PLCG2: variants seen among roughly 807,000 people sequenced by gnomAD.
PLCG2 encodes the protein phospholipase C gamma 2.
PLCG2 carries 69 observed loss-of-function variants against 175.6 expected under a neutral mutation model. That is an observed-to-expected ratio of 0.39 (90% CI 0.32 to 0.48). PLCG2 has a LOEUF of 0.48. Ranked by LOEUF, PLCG2 falls within the 20% of genes least tolerant of loss-of-function variation. The pLI is 0.91. For synonymous variants in PLCG2, 827 were observed against 624.0 expected (o/e 1.33, Z -4.85); for missense variants, 1,798 against 1,650.9 (o/e 1.09, Z -1.54).
intron 2 of PLCG2, among the ~76,000 whole-genome samples, chr16:81,758,550 G>A (rs1039434318): frequency 1.3e-5 from 2 of 152,066 alleles, no homozygotes; most frequent in Non-Finnish European, 2.9e-5. Context: ...GTAGCTCTGC[G>A]TTTGACCTTT....
intron 2 of PLCG2, among the ~76,000 whole-genome samples, chr16:81,832,214 C>T (rs899673011): frequency 6.6e-6 from 1 of 152,182 alleles, no homozygotes; most frequent in African/African-American, 2.4e-5. Flanking sequence ...GGGATATTCA[C>T]CATCATTGTT....
chr16:81,807,147 G>C (rs145112480), intron 2 of PLCG2, among the ~76,000 whole-genome samples: 147 of 152,292 alleles, frequency 9.7e-4, no homozygotes, highest in African/African-American at 3.4e-3. Flanking sequence ...CACAGCAGAG[G>C]CTTATCTTGT....
At chr16:81,923,989 A>C (rs886193384) in intron 22 of PLCG2, among the ~76,000 whole-genome samples, 1 of 152,214 alleles carries the variant, frequency 6.6e-6, no homozygotes, top group Non-Finnish European at 1.5e-5. Flanking sequence ...ACACAAATAA[A>C]TACTAAATAC....
chr16:81,899,641 C>G (rs1156449267), intron 13 of PLCG2, among the ~76,000 whole-genome samples: 2 of 152,136 alleles, frequency 1.3e-5, no homozygotes, highest in East Asian at 1.9e-4. Context: ...TGTTTTTGAG[C>G]TTTTTCTTGG....
In PLCG2 at chr16:81,910,738, G is replaced by A. The variant is rs768754329; in HGVS notation, c.1934+18G>A. On this transcript the variant is annotated intron_variant, in intron 18 of 32. Coordinates refer to ENST00000564138, the MANE Select transcript of PLCG2 (RefSeq NM_002661.5). ...TCCAAGCCGTACGTGTCTGAGGGTG[G>A]AGCAGGAGGCAGGCGGTGGTCGGGT... The A allele has an allele frequency of 6.9e-6, 11 of 1,602,264 alleles. No individual in the cohort carries two copies. Among genetic ancestry groups the A allele is most frequent in the Non-Finnish European group, 8.5e-6 (10 of 1,178,200 alleles).
chr16:81,823,066 C>CAG (rs1167556020), intron 2 of PLCG2, among the ~76,000 whole-genome samples: 1 of 152,252 alleles, frequency 6.6e-6, no homozygotes, highest in African/African-American at 2.4e-5. Flanking sequence ...GTAATTGGTG[C>CAG]AGCAGCCGTA....
intron 2 of PLCG2, among the ~76,000 whole-genome samples, chr16:81,843,202 G>A (rs1377440365): frequency 3.3e-5 from 5 of 152,138 alleles, no homozygotes; most frequent in African/African-American, 4.8e-5. Flanking sequence ...CAGTCACTAT[G>A]AGCCCTTGGC....
chr16:81,818,868 A>T (rs1056621976), intron 2 of PLCG2, among the ~76,000 whole-genome samples: 1 of 134,248 alleles, frequency 7.4e-6, no homozygotes, highest in Non-Finnish European at 1.5e-5. Flanking sequence ...TCCATAAGCT[A>T]GTGTGGGCTC....
chr16:81,804,815 T>C (rs1911918454), intron 2 of PLCG2, among the ~76,000 whole-genome samples: 2 of 152,202 alleles, frequency 1.3e-5, no homozygotes, highest in African/African-American at 4.8e-5. Context: ...AGAAATGTCA[T>C]TGGGAAGTGC....
rs1239093382 is a variant in PLCG2, at chr16:81,928,539, A to G, written c.2515-19A>G. ...ATTCCCGTTACAACTAACGTGAGTT[A>G]TGTCTTGTTTCTTCACAGATTATTG... On this transcript the variant is annotated intron_variant, in intron 23 of 32. Coordinates refer to ENST00000564138, the MANE Select transcript of PLCG2 (RefSeq NM_002661.5). 2 of 1,536,822 alleles carry G rather than the reference A, an allele frequency of 1.3e-6. No individual in the cohort carries two copies. Among genetic ancestry groups the G allele is most frequent in the Admixed American group, 1.7e-5 (1 of 59,922 alleles).
intron 2 of PLCG2, among the ~76,000 whole-genome samples, chr16:81,763,363 C>T (rs1016540671): frequency 4.6e-5 from 7 of 152,186 alleles, no homozygotes; most frequent in African/African-American, 1.4e-4. Flanking sequence ...TTCTGTGGGT[C>T]GGGTATTTGG....
chr16:81,809,662 C>A (rs1278184190), intron 2 of PLCG2, among the ~76,000 whole-genome samples: 1 of 152,142 alleles, frequency 6.6e-6, no homozygotes, highest in African/African-American at 2.4e-5. Context: ...CTGGGACTTG[C>A]TGTTTTCTCT....
At chr16:81,879,583 A>G (rs61068265) in intron 7 of PLCG2, among the ~76,000 whole-genome samples, 40,663 of 152,020 alleles carry the variant, frequency 0.27, 5,495 homozygotes, top group Non-Finnish European at 0.28. Flanking sequence ...CTGGGCTGCA[A>G]GGAGTTCAGC....
chr16:81,957,878 AAG>A lies in PLCG2; in HGVS notation c.3756-74_3756-73del. On this transcript the variant is annotated intron_variant, in intron 32 of 32. Transcript: ENST00000564138. Reference sequence around the variant, plus strand: ...TATGAATGACTGGCAAATGTACAGAAAGAGAAATGTTACAGAGTTCAGCACGC... The same window carrying A: ...TATGAATGACTGGCAAATGTACAGAAAGAAATGTTACAGAGTTCAGCACGC... 5 of 1,280,810 alleles carry A rather than the reference AAG, an allele frequency of 3.9e-6. No homozygotes were observed. In the Admixed American group the frequency reaches 8.5e-5, roughly 22 times the overall value. The allele number at this position is 1,280,810 out of a possible 1,614,324, so 79.3% of individuals were successfully genotyped here. A position where few individuals can be genotyped will look rare whatever the true frequency, so the allele number is the denominator to read the frequency against.
intron 29 of PLCG2, among the ~76,000 whole-genome samples, chr16:81,939,183 G>T (rs959941047): frequency 1.3e-5 from 2 of 152,146 alleles, no homozygotes; most frequent in Admixed American, 6.5e-5. Flanking sequence ...GGTCCTCTCT[G>T]TGCAACAGCC....
At chr16:81,848,638 A>G (rs1427094149) in intron 2 of PLCG2, among the ~76,000 whole-genome samples, 1 of 151,868 alleles carries the variant, frequency 6.6e-6, no homozygotes, top group East Asian at 1.9e-4. Flanking sequence ...CTGCTCAGTC[A>G]TCAGTAATTT....
At chr16:81,874,948 G>GTTTTTTTT (rs770994063) in intron 7 of PLCG2, among the ~76,000 whole-genome samples, 19 of 40,758 alleles carry the variant, frequency 4.7e-4, no homozygotes, top group East Asian at 1.7e-3. Context: ...TATCCTATGT[G>GTTTTTTTT]TTTTTTTTTT....
At chr16:81,952,354 C>T (rs1044066647) in intron 31 of PLCG2, among the ~76,000 whole-genome samples, 1 of 152,038 alleles carries the variant, frequency 6.6e-6, no homozygotes, top group African/African-American at 2.4e-5. Context: ...CTGCTGAGTG[C>T]CTAGAACTTA....
At chr16:81,946,582 C>G (rs1032316552) in intron 31 of PLCG2, among the ~76,000 whole-genome samples, 1 of 152,044 alleles carries the variant, frequency 6.6e-6, no homozygotes, top group African/African-American at 2.4e-5. Context: ...ATAGACTCAT[C>G]CTTTCTGGAT....
Sources: gnomAD v4.1 joint callset for allele counts (sites outside exome capture counted in the v4.1 genomes callset) on GRCh38, gnomAD v4.1.1 for gene constraint, MANE v1.5 for transcripts, NCBI Gene and HGNC (gene_info 2026-07-23, HGNC 2026-07-21) for gene names.